FRMD5: variants seen among roughly 807,000 people sequenced by gnomAD.
The protein encoded by FRMD5 is FERM domain-containing protein 5.
In FRMD5, 20 loss-of-function variants were observed where a neutral mutation model predicts 69.0. The ratio of observed to expected loss-of-function variants is 0.29; its 90% CI spans 0.20 to 0.42. The LOEUF is 0.42. Ranked by LOEUF, FRMD5 falls within the 10% of genes least tolerant of loss-of-function variation. The pLI, the probability that FRMD5 is intolerant of heterozygous loss-of-function variation, is 1.00. For missense variants in FRMD5, 595 were observed against 708.6 expected (o/e 0.84, Z 1.82); for synonymous variants, 271 against 260.1 (o/e 1.04, Z -0.40).
intron 4 of FRMD5, among the ~76,000 whole-genome samples, chr15:43,910,717 A>G (rs1172313256): frequency 1.3e-5 from 2 of 152,210 alleles, no homozygotes; most frequent in Admixed American, 1.3e-4. Flanking sequence ...CAAAAACAAG[A>G]GCAAATAGTA....
chr15:43,888,332 G>A lies in FRMD5; in HGVS notation c.793-66C>T. On this transcript the variant is annotated intron_variant, in intron 9 of 13. Coordinates refer to ENST00000417257, the MANE Select transcript of FRMD5 (RefSeq NM_032892.5). The stretch of plus-strand genomic sequence containing the variant: ...AGAAGCAAAGGGTGAAGTAGGCGAG[G>A]ACCCTGACCCCAGAGCTGTTAGAGG... 2.7e-6 allele frequency: 3 copies of A among 1,124,158 alleles called. No homozygotes were observed. In the South Asian group the frequency reaches 3.9e-5, roughly 15 times the overall value. The allele number at this position is 1,124,158 out of a possible 1,614,324, so 69.6% of individuals were successfully genotyped here. A position where few individuals can be genotyped will look rare whatever the true frequency, so the allele number is the denominator to read the frequency against.
chr15:44,026,263 G>T (rs904660642), intron 1 of FRMD5, among the ~76,000 whole-genome samples: 1 of 152,202 alleles, frequency 6.6e-6, no homozygotes, highest in Non-Finnish European at 1.5e-5. Context: ...TTGCAGGCAT[G>T]AACCCCCACA....
At chr15:43,983,997 T>C (rs2090586859) in intron 1 of FRMD5, among the ~76,000 whole-genome samples, 1 of 152,232 alleles carries the variant, frequency 6.6e-6, no homozygotes, top group Non-Finnish European at 1.5e-5. Flanking sequence ...CAAACACTGC[T>C]GTTGCCTGTG....
intron 1 of FRMD5, among the ~76,000 whole-genome samples, chr15:44,056,539 G>C (rs1321689031): frequency 6.6e-6 from 1 of 152,170 alleles, no homozygotes; most frequent in Non-Finnish European, 1.5e-5. Context: ...AGAAAAGAGA[G>C]ATGGCCAGGA....
chr15:44,161,964 C>T (rs1414652500), intron 1 of FRMD5, among the ~76,000 whole-genome samples: 3 of 152,024 alleles, frequency 2.0e-5, no homozygotes, highest in Non-Finnish European at 2.9e-5. Context: ...GAAACTCAGA[C>T]TTCCCTCTTT....
At chr15:44,189,557 C>T (rs1181974112) in intron 1 of FRMD5, among the ~76,000 whole-genome samples, 3 of 151,000 alleles carry the variant, frequency 2.0e-5, no homozygotes, top group African/African-American at 4.9e-5. Context: ...GGTGCTATCT[C>T]GGCTCACTGC....
At chr15:44,058,647 G>T (rs1439213387) in intron 1 of FRMD5, among the ~76,000 whole-genome samples, 5 of 151,986 alleles carry the variant, frequency 3.3e-5, no homozygotes, top group African/African-American at 9.7e-5. Flanking sequence ...TTAGCCAGGC[G>T]TGGTGGCGGG....
At chr15:44,133,666 T>G (rs924064699) in intron 1 of FRMD5, among the ~76,000 whole-genome samples, 1 of 144,446 alleles carries the variant, frequency 6.9e-6, no homozygotes, top group South Asian at 2.2e-4. Flanking sequence ...AAAGAAAAAA[T>G]AAAGAAAGAA....
At chr15:44,182,724 A>G (rs143545870) in intron 1 of FRMD5, among the ~76,000 whole-genome samples, 6 of 152,348 alleles carry the variant, frequency 3.9e-5, no homozygotes, top group African/African-American at 1.4e-4. Context: ...CACCTTAGTT[A>G]CTAGCTGTAC....
At chr15:44,017,848 A>T (rs1891040665) in intron 1 of FRMD5, among the ~76,000 whole-genome samples, 1 of 151,882 alleles carries the variant, frequency 6.6e-6, no homozygotes, top group Non-Finnish European at 1.5e-5. Context: ...TAACCTCGTG[A>T]TCCGCCCGCC....
At chr15:44,037,836 G>A (rs890337489) in intron 1 of FRMD5, among the ~76,000 whole-genome samples, 1 of 151,964 alleles carries the variant, frequency 6.6e-6, no homozygotes, top group Non-Finnish European at 1.5e-5. Flanking sequence ...TGGGATTGGT[G>A]GTCAAATGGT....
Position 43,873,560 on chromosome 15 carries a change from A to T in FRMD5, c.*325T>A. ...TAGTAAAATAAATTATTTTTATTTG[A>T]TACTTCAAAATAATATACATCTATG... On this transcript the variant is annotated 3_prime_UTR_variant, in exon 14 of 14. Coordinates refer to ENST00000417257, the MANE Select transcript of FRMD5 (RefSeq NM_032892.5). The T allele has an allele frequency of 7.2e-7, 1 of 1,390,098 alleles. No individual in the cohort carries two copies. The highest frequency in any genetic ancestry group is 3.1e-5 in the East Asian group (1 of 32,536). The allele number at this position is 1,390,098 out of a possible 1,614,324, so 86.1% of individuals were successfully genotyped here. A position where few individuals can be genotyped will look rare whatever the true frequency, so the allele number is the denominator to read the frequency against.
At chr15:44,047,743 C>A (rs58234210) in intron 1 of FRMD5, among the ~76,000 whole-genome samples, 83 of 152,286 alleles carry the variant, frequency 5.5e-4, no homozygotes, top group African/African-American at 1.9e-3. Flanking sequence ...TCCCTACCAA[C>A]GCCTGGCAAC....
intron 1 of FRMD5, among the ~76,000 whole-genome samples, chr15:44,126,882 G>C (rs1435534208): frequency 1.3e-5 from 2 of 152,186 alleles, no homozygotes; most frequent in Non-Finnish European, 2.9e-5. Flanking sequence ...GTCCAGTCAA[G>C]AGAACGTTAA....
intron 1 of FRMD5, among the ~76,000 whole-genome samples, chr15:44,128,325 C>T (rs1019472104): frequency 6.6e-6 from 1 of 152,050 alleles, no homozygotes; most frequent in Non-Finnish European, 1.5e-5. Flanking sequence ...ACCAGAAATA[C>T]AAAAATTAGC....
chr15:43,883,650 C>G, intron 13 of FRMD5, 53 bp downstream of exon 13: 6 of 1,312,376 alleles, frequency 4.6e-6, no homozygotes, highest in Non-Finnish European at 6.4e-6. Context: ...TTTCAAGGTC[C>G]CAGATCACAA....
intron 1 of FRMD5, among the ~76,000 whole-genome samples, chr15:43,964,500 C>CAAA (rs59698503): frequency 3.9e-4 from 51 of 129,692 alleles, no homozygotes; most frequent in African/African-American, 6.4e-4. Context: ...AACAAACAAA[C>CAAA]AAAAAAAAAA....
intron 5 of FRMD5, among the ~76,000 whole-genome samples, chr15:43,907,765 CA>C (rs1224497482): frequency 6.6e-6 from 1 of 152,134 alleles, no homozygotes; most frequent in Non-Finnish European, 1.5e-5. Context: ...CTCGGCCTCC[CA>C]AAGTTCTGGG....
intron 1 of FRMD5, among the ~76,000 whole-genome samples, chr15:44,164,178 T>C (rs1163195955): frequency 6.6e-6 from 1 of 152,254 alleles, no homozygotes; most frequent in Non-Finnish European, 1.5e-5. Flanking sequence ...TCCCCGATCA[T>C]GTTTTCTTTG....
Sources: gnomAD v4.1 joint callset for allele counts (sites outside exome capture counted in the v4.1 genomes callset) on GRCh38, gnomAD v4.1.1 for gene constraint, MANE v1.5 for transcripts, NCBI Gene and HGNC (gene_info 2026-07-23, HGNC 2026-07-21) for gene names.